The following MCC variants were observed in gnomAD, a reference collection of about 807,000 sequenced individuals.
MCC encodes the protein MCC regulator of Wnt signaling pathway.
A neutral mutation model predicts 116.2 loss-of-function variants in MCC; 90 were observed. The observed-to-expected ratio is 0.77, with a 90% CI of 0.65 to 0.92. The LOEUF is 0.92. Ranked by LOEUF, MCC falls within the 40% of genes least tolerant of loss-of-function variation. The pLI is 0.00. For synonymous variants in MCC, 578 were observed against 510.5 expected (o/e 1.13, Z -1.78); for missense variants, 1,516 against 1,312.2 (o/e 1.16, Z -2.40).
At chr5:113,432,320 C>CAAAAAAAA (rs66577040) in intron 1 of MCC, among the ~76,000 whole-genome samples, 5 of 68,606 alleles carry the variant, frequency 7.3e-5, no homozygotes, top group Non-Finnish European at 1.1e-4. Flanking sequence ...GACTCTGTCT[C>CAAAAAAAA]AAAAAAAAAA....
chr5:113,104,079 A>T, intron 7 of MCC, 113 bp downstream of exon 7: 1 of 1,123,294 alleles, frequency 8.9e-7, no homozygotes, highest in Non-Finnish European at 1.2e-6. Flanking sequence ...TATGGCTCTC[A>T]TGGAAACATT....
chr5:113,232,915 T>C (rs967391990), intron 3 of MCC, among the ~76,000 whole-genome samples: 1 of 152,120 alleles, frequency 6.6e-6, no homozygotes, highest in Non-Finnish European at 1.5e-5. Context: ...ATGGAGATGA[T>C]TTAAAGTATC....
intron 3 of MCC, among the ~76,000 whole-genome samples, chr5:113,163,432 T>C (rs559543521): frequency 6.8e-4 from 103 of 152,352 alleles, no homozygotes; most frequent in Non-Finnish European, 1.2e-3. Flanking sequence ...TCCTAAGTTC[T>C]TTCATGTTGG....
chr5:113,034,522 G>A (rs1751192941), intron 17 of MCC, among the ~76,000 whole-genome samples: 1 of 152,266 alleles, frequency 6.6e-6, no homozygotes, highest in Non-Finnish European at 1.5e-5. Flanking sequence ...CAATGAGGCT[G>A]TGAGTGGCTT....
intron 3 of MCC, among the ~76,000 whole-genome samples, chr5:113,279,799 A>C (rs530590726): frequency 6.6e-6 from 1 of 152,352 alleles, no homozygotes; most frequent in South Asian, 2.1e-4. Flanking sequence ...TGAATATCAG[A>C]ATTATTACTG....
intron 3 of MCC, chr5:113,294,999 G>A (rs1766666552): frequency 1.0e-6 from 1 of 980,064 alleles, no homozygotes; most frequent in Non-Finnish European, 1.2e-6. Context: ...CGGAGGAGGC[G>A]GGGCTAGAGG....
chr5:113,208,975 T>C (rs1442649928), intron 3 of MCC, among the ~76,000 whole-genome samples: 2 of 152,236 alleles, frequency 1.3e-5, no homozygotes, highest in African/African-American at 2.4e-5. Flanking sequence ...ATTGCTATCA[T>C]ATAGTAGTCT....
intron 1 of MCC, among the ~76,000 whole-genome samples, chr5:113,393,720 G>T (rs1769457636): frequency 6.6e-6 from 1 of 152,076 alleles, no homozygotes; most frequent in South Asian, 2.1e-4. Context: ...TTTCTTTTCT[G>T]CAAAGGCATT....
intron 1 of MCC, among the ~76,000 whole-genome samples, chr5:113,470,409 T>C (rs1331175187): frequency 1.3e-5 from 2 of 150,876 alleles, no homozygotes; most frequent in Non-Finnish European, 3.0e-5. Flanking sequence ...TTTGCTTGTC[T>C]GTAAAGTATT....
chr5:113,296,389 C>T (rs1766711128), intron 3 of MCC, among the ~76,000 whole-genome samples: 1 of 152,094 alleles, frequency 6.6e-6, no homozygotes, highest in Admixed American at 6.5e-5. Flanking sequence ...TGAGGAGCGA[C>T]TGCAGTTCAG....
chr5:113,370,417 T>A (rs1231277272), intron 2 of MCC, among the ~76,000 whole-genome samples: 1 of 152,190 alleles, frequency 6.6e-6, no homozygotes, highest in African/African-American at 2.4e-5. Context: ...AACAGAAACG[T>A]CACAAAACTA....
chr5:113,113,297 T>C (rs1753030211), intron 6 of MCC, among the ~76,000 whole-genome samples: 1 of 152,230 alleles, frequency 6.6e-6, no homozygotes, highest in South Asian at 2.1e-4. Context: ...GTTGCTTTCT[T>C]TTGAGCATTC....
intron 1 of MCC, among the ~76,000 whole-genome samples, chr5:113,485,519 C>T (rs1413738484): frequency 6.6e-6 from 1 of 152,202 alleles, no homozygotes; most frequent in Admixed American, 6.5e-5. Context: ...GAAAGCTCTG[C>T]TTTAATGATA....
intron 1 of MCC, among the ~76,000 whole-genome samples, chr5:113,473,548 AAAC>A (rs1029674347): frequency 4.6e-5 from 7 of 152,260 alleles, no homozygotes; most frequent in Non-Finnish European, 1.0e-4. Flanking sequence ...AACAAAAACA[AAAC>A]AAAACAAAAC....
chr5:113,083,627 C>T (rs560779355), intron 10 of MCC, among the ~76,000 whole-genome samples: 2 of 152,204 alleles, frequency 1.3e-5, no homozygotes, highest in Non-Finnish European at 2.9e-5. Context: ...GGTTTCCAGA[C>T]TCCACAAATG....
At chr5:113,417,674 A>G (rs1378077107) in intron 1 of MCC, among the ~76,000 whole-genome samples, 1 of 152,230 alleles carries the variant, frequency 6.6e-6, no homozygotes, top group African/African-American at 2.4e-5. Context: ...CACGCCTGTA[A>G]TTCTAGCACT....
intron 3 of MCC, among the ~76,000 whole-genome samples, chr5:113,327,561 A>AATATATATATATATATATATATATATAT (rs869214073): frequency 2.5e-5 from 2 of 80,554 alleles, no homozygotes; most frequent in Non-Finnish European, 2.5e-5. Context: ...AAAAAAAAAA[A>AATATATATATATATATATATATATATAT]ATATATATAT....
At chr5:113,081,099 GT>G (rs1253398073) in intron 11 of MCC, among the ~76,000 whole-genome samples, 1 of 152,198 alleles carries the variant, frequency 6.6e-6, no homozygotes, top group Non-Finnish European at 1.5e-5. Context: ...CAATCATGAA[GT>G]TAAAGGCTAA....
chr5:113,361,668 T>C (rs34539248), intron 2 of MCC, among the ~76,000 whole-genome samples: 14,696 of 152,252 alleles, frequency 0.097, 958 homozygotes, highest in Non-Finnish European at 0.12. Context: ...CCAGAAGAGA[T>C]TGGCATTTGA....
Sources: allele counts gnomAD v4.1 joint callset (sites outside exome capture counted in the v4.1 genomes callset), GRCh38; gene constraint gnomAD v4.1.1; transcripts MANE v1.5; gene names NCBI Gene and HGNC (gene_info 2026-07-23, HGNC 2026-07-21).